Variants in IGF2BP2 observed in about 807,000 individuals in gnomAD.
IGF2BP2 encodes the protein insulin-like growth factor 2 mRNA-binding protein 2.
In IGF2BP2, 17 loss-of-function variants were observed where a neutral mutation model predicts 75.8. That is an observed-to-expected ratio of 0.22 (90% CI 0.15 to 0.34). IGF2BP2 has a LOEUF of 0.34. Ranked by LOEUF, IGF2BP2 falls within the 10% of genes least tolerant of loss-of-function variation. IGF2BP2 has a pLI of 1.00. For synonymous variants in IGF2BP2, 288 were observed against 295.6 expected (o/e 0.97, Z 0.26); for missense variants, 516 against 772.4 (o/e 0.67, Z 3.93).
chr3:185,653,622 A>G (rs1714962245), intron 12 of IGF2BP2, among the ~76,000 whole-genome samples: 1 of 152,150 alleles, frequency 6.6e-6, no homozygotes, highest in Admixed American at 6.5e-5. Context: ...TAAAAAAAAA[A>G]AAAGTAAAAT....
intron 2 of IGF2BP2, among the ~76,000 whole-genome samples, chr3:185,769,882 A>G (rs1733649279): frequency 6.6e-6 from 1 of 151,504 alleles, no homozygotes. Flanking sequence ...TCACAAAACC[A>G]CATGAACCAA....
chr3:185,755,897 G>A (rs542457095), intron 2 of IGF2BP2, among the ~76,000 whole-genome samples: 2 of 152,340 alleles, frequency 1.3e-5, no homozygotes, highest in South Asian at 4.1e-4. Flanking sequence ...CGGACTTTGA[G>A]TTGATGCTAG....
At chr3:185,741,622 A>C (rs904310399) in intron 2 of IGF2BP2, among the ~76,000 whole-genome samples, 3 of 152,220 alleles carry the variant, frequency 2.0e-5, no homozygotes, top group Admixed American at 6.5e-5. Context: ...AGGAGAACTC[A>C]ACCCAGAACA....
intron 2 of IGF2BP2, among the ~76,000 whole-genome samples, chr3:185,786,125 G>C (rs1476861449): frequency 6.7e-6 from 1 of 149,284 alleles, no homozygotes; most frequent in African/African-American, 2.5e-5. Flanking sequence ...CACTACCCCC[G>C]CCAAGAAATT....
intron 7 of IGF2BP2, among the ~76,000 whole-genome samples, chr3:185,684,137 T>C (rs1341721850): frequency 6.6e-6 from 1 of 152,244 alleles, no homozygotes; most frequent in East Asian, 1.9e-4. Context: ...TCAGCTTTGT[T>C]CACTGCTGAG....
chr3:185,681,986 T>C (rs990714818), intron 7 of IGF2BP2, among the ~76,000 whole-genome samples: 12 of 152,342 alleles, frequency 7.9e-5, no homozygotes, highest in African/African-American at 2.4e-4. Flanking sequence ...CTTTATGATA[T>C]TGGACATGGC....
intron 2 of IGF2BP2, among the ~76,000 whole-genome samples, chr3:185,760,984 A>G (rs1300067929): frequency 6.6e-6 from 1 of 151,606 alleles, no homozygotes; most frequent in Non-Finnish European, 1.5e-5. Flanking sequence ...TATACTTCAA[A>G]TATTTTGTAC....
At chr3:185,719,785 G>A (rs1466634944) in intron 2 of IGF2BP2, among the ~76,000 whole-genome samples, 1 of 152,102 alleles carries the variant, frequency 6.6e-6, no homozygotes, top group Non-Finnish European at 1.5e-5. Flanking sequence ...AGTGAGCCGA[G>A]ATCACGCCAC....
chr3:185,781,280 T>A (rs1188035313), intron 2 of IGF2BP2, among the ~76,000 whole-genome samples: 1 of 152,106 alleles, frequency 6.6e-6, no homozygotes. Context: ...TATGTATCCA[T>A]CTCCCAGCTT....
chr3:185,800,743 T>TAAAGAAAGAAAGAAAGAAAGAACGA (rs1738131303), intron 2 of IGF2BP2, among the ~76,000 whole-genome samples: 1 of 144,482 alleles, frequency 6.9e-6, no homozygotes, highest in African/African-American at 2.6e-5. Context: ...AGAAAGAAAG[T>TAAAGAAAGAAAGAAAGAAAGAACGA]ACTTGCTGAA....
At chr3:185,771,336 G>A (rs1733843395) in intron 2 of IGF2BP2, among the ~76,000 whole-genome samples, 1 of 138,430 alleles carries the variant, frequency 7.2e-6, no homozygotes, top group Non-Finnish European at 1.5e-5. Flanking sequence ...AGCTACTTGG[G>A]TGGCTGAGGC....
chr3:185,649,554 C>A lies in IGF2BP2; in HGVS notation c.1462-20G>T. ...CTGGGCCTGAGAGAGCAAGACATGACTAATGACTCTCAGTCAGCCAGCAGC... is the reference window on the plus strand; with the variant it reads ...CTGGGCCTGAGAGAGCAAGACATGAATAATGACTCTCAGTCAGCCAGCAGC... On this transcript the variant is annotated intron_variant, in intron 13 of 15. Transcript: ENST00000382199. 1 of 1,613,582 alleles carries A rather than the reference C, an allele frequency of 6.2e-7. No individual in the cohort carries two copies.
chr3:185,761,748 C>G (rs1325536384), intron 2 of IGF2BP2, among the ~76,000 whole-genome samples: 1 of 152,206 alleles, frequency 6.6e-6, no homozygotes, highest in Non-Finnish European at 1.5e-5. Context: ...CAACCCTAAA[C>G]ATTAATTGAA....
intron 2 of IGF2BP2, among the ~76,000 whole-genome samples, chr3:185,708,237 G>T (rs1222940304): frequency 6.6e-6 from 1 of 152,128 alleles, no homozygotes; most frequent in Non-Finnish European, 1.5e-5. Context: ...CTCTTCAAAT[G>T]TCACTGGAAT....
intron 7 of IGF2BP2, among the ~76,000 whole-genome samples, chr3:185,680,187 C>T (rs1720164779): frequency 1.3e-5 from 2 of 152,058 alleles, no homozygotes; most frequent in South Asian, 4.1e-4. Flanking sequence ...TGTATGCCTA[C>T]AAATTTAATA....
chr3:185,810,992 TA>T lies in IGF2BP2; in HGVS notation c.239+12160del, dbSNP rs1268845509. On this transcript the variant is annotated intron_variant, in intron 2 of 15. Transcript: ENST00000382199. Reference sequence around the variant, plus strand: ...CTCCAATTATATGAAAATAGAGGCTTATTTTTTTCATAAACATGTATTATGA... The same window carrying T: ...CTCCAATTATATGAAAATAGAGGCTTTTTTTTTCATAAACATGTATTATGA... 2.6e-5 allele frequency among the ~76,000 whole-genome samples: 4 copies of T among 152,110 alleles called. No individual in the cohort carries two copies. The East Asian group carries it at 5.8e-4, about 22-fold the overall frequency.
chr3:185,679,858 C>T (rs1328496393), intron 7 of IGF2BP2, among the ~76,000 whole-genome samples: 3 of 152,164 alleles, frequency 2.0e-5, no homozygotes, highest in African/African-American at 7.2e-5. Flanking sequence ...TTGTGATCCA[C>T]CCACCTCGGC....
At chr3:185,811,951 T>A (rs1739949511) in intron 2 of IGF2BP2, among the ~76,000 whole-genome samples, 1 of 151,870 alleles carries the variant, frequency 6.6e-6, no homozygotes, top group Admixed American at 6.6e-5. Context: ...CCAAGGACTT[T>A]CAGGACTTTC....
intron 1 of IGF2BP2, 177 bp from the exon 2 acceptor site, chr3:185,823,390 C>T (rs1560528017): frequency 1.0e-5 from 5 of 488,504 alleles, no homozygotes; most frequent in East Asian, 1.0e-4. Flanking sequence ...GTGGGCGCCC[C>T]GTGTCTCGGG....
Sources: gnomAD v4.1 joint callset for allele counts (sites outside exome capture counted in the v4.1 genomes callset) on GRCh38, gnomAD v4.1.1 for gene constraint, MANE v1.5 for transcripts, NCBI Gene and HGNC (gene_info 2026-07-23, HGNC 2026-07-21) for gene names.